The following CDH12 variants were observed in gnomAD, a reference collection of about 807,000 sequenced individuals.
CDH12 encodes the protein cadherin 12.
A neutral mutation model predicts 74.1 loss-of-function variants in CDH12; 41 were observed. The ratio of observed to expected loss-of-function variants is 0.55; its 90% CI spans 0.43 to 0.72. The LOEUF is 0.72. Among genes scored for constraint, CDH12 ranks in the 30% least tolerant of loss-of-function variants. The pLI is 0.00. For synonymous variants in CDH12, 399 were observed against 355.0 expected (o/e 1.12, Z -1.39); for missense variants, 945 against 977.2 (o/e 0.97, Z 0.44).
chr5:22,347,833 T>C (rs1268677207), intron 3 of CDH12, among the ~76,000 whole-genome samples: 2 of 152,186 alleles, frequency 1.3e-5, no homozygotes, highest in African/African-American at 4.8e-5. Flanking sequence ...TCCAGTGTGA[T>C]GTAGTCTGCA....
intron 1 of CDH12, among the ~76,000 whole-genome samples, chr5:22,761,892 C>T (rs576456621): frequency 3.0e-4 from 46 of 151,888 alleles, no homozygotes; most frequent in Middle Eastern, 3.4e-3. Context: ...CTGATATGTA[C>T]TTTAATCTTC....
At chr5:21,757,370 T>A (rs1383631049) in intron 13 of CDH12, among the ~76,000 whole-genome samples, 1 of 152,080 alleles carries the variant, frequency 6.6e-6, no homozygotes, top group African/African-American at 2.4e-5. Context: ...GAGATGGGGT[T>A]TCACCATGTT....
chr5:22,065,128 C>T (rs1741467373), intron 5 of CDH12, among the ~76,000 whole-genome samples: 1 of 152,136 alleles, frequency 6.6e-6, no homozygotes, highest in African/African-American at 2.4e-5. Flanking sequence ...TGTTACCTTG[C>T]AAGACTGCTG....
rs564526055 is a variant in CDH12 at position 22,656,660 on chromosome 5, G to T, written c.-522-151296C>A. ...AAGTTAATCATATGTCTACCTTGTG[G>T]ACTTAGTAATTTCACTCTTAGTACA... On this transcript the variant is annotated intron_variant, in intron 1 of 14. Transcript: ENST00000382254. Among the ~76,000 whole-genome samples, 3 of 152,198 alleles carry T rather than the reference G, an allele frequency of 2.0e-5. No individual in the cohort carries two copies. In the East Asian group the frequency reaches 5.8e-4, roughly 29 times the overall value.
At chr5:22,792,367 G>A (rs1324108182) in intron 1 of CDH12, among the ~76,000 whole-genome samples, 1 of 152,126 alleles carries the variant, frequency 6.6e-6, no homozygotes, top group Non-Finnish European at 1.5e-5. Flanking sequence ...GGGACTGCAG[G>A]CGTGAGCCAC....
At chr5:22,259,173 C>T (rs1217726062) in intron 3 of CDH12, among the ~76,000 whole-genome samples, 1 of 151,880 alleles carries the variant, frequency 6.6e-6, no homozygotes, top group Admixed American at 6.6e-5. Context: ...ACAATGAAAA[C>T]AAAAGCAAAT....
At chr5:22,496,766 T>C (rs1315834302) in intron 2 of CDH12, among the ~76,000 whole-genome samples, 3 of 152,114 alleles carry the variant, frequency 2.0e-5, no homozygotes, top group Non-Finnish European at 4.4e-5. Context: ...TTCATTTAAT[T>C]TCAGAACACC....
chr5:22,653,916 A>T (rs998949806), intron 1 of CDH12, among the ~76,000 whole-genome samples: 2 of 152,190 alleles, frequency 1.3e-5, no homozygotes, highest in Admixed American at 1.3e-4. Context: ...TCATCTACTA[A>T]ATACATACAT....
At chr5:22,422,434 G>A (rs1743691020) in intron 2 of CDH12, among the ~76,000 whole-genome samples, 1 of 151,902 alleles carries the variant, frequency 6.6e-6, no homozygotes, top group African/African-American at 2.4e-5. Context: ...ACTTGATCAT[G>A]GTGGATAATC....
chr5:21,966,950 G>C (rs2547609), intron 6 of CDH12, among the ~76,000 whole-genome samples: 3 of 152,082 alleles, frequency 2.0e-5, no homozygotes, highest in African/African-American at 7.2e-5. Flanking sequence ...TGGGTTAAAG[G>C]CCTCATTAAC....
At chr5:21,839,210 T>C (rs1312164055) in intron 8 of CDH12, among the ~76,000 whole-genome samples, 1 of 152,174 alleles carries the variant, frequency 6.6e-6, no homozygotes, top group Non-Finnish European at 1.5e-5. Flanking sequence ...GAGAAACAAA[T>C]GCATTATTTC....
intron 4 of CDH12, among the ~76,000 whole-genome samples, chr5:22,153,758 C>A (rs1747775986): frequency 1.3e-5 from 2 of 148,164 alleles, no homozygotes; most frequent in Admixed American, 1.4e-4. Flanking sequence ...ATGTTCATTG[C>A]AACATTATTC....
intron 4 of CDH12, among the ~76,000 whole-genome samples, chr5:22,109,648 T>C (rs1744697607): frequency 1.3e-5 from 2 of 152,140 alleles, no homozygotes; most frequent in African/African-American, 4.8e-5. Flanking sequence ...AGGAAAACAA[T>C]TGGAAACACT....
At chr5:22,231,360 C>T (rs995482861) in intron 3 of CDH12, among the ~76,000 whole-genome samples, 1 of 151,886 alleles carries the variant, frequency 6.6e-6, no homozygotes, top group Non-Finnish European at 1.5e-5. Flanking sequence ...TGAAGAATAA[C>T]TATGGTTTTC....
chr5:21,881,378 A>G (rs1486648750), intron 6 of CDH12, among the ~76,000 whole-genome samples: 1 of 152,176 alleles, frequency 6.6e-6, no homozygotes, highest in South Asian at 2.1e-4. Flanking sequence ...ATTTCTATAA[A>G]TGCAAAACTA....
intron 4 of CDH12, among the ~76,000 whole-genome samples, chr5:22,085,322 G>C (rs1742995445): frequency 6.6e-6 from 1 of 152,122 alleles, no homozygotes. Context: ...TAAATGGGGA[G>C]TGTTTGCTTT....
Position 22,698,711 on chromosome 5 carries a change from A to AG in CDH12, c.-523+154346_-523+154347insC, listed in dbSNP as rs1377802786. On this transcript the variant is annotated intron_variant, in intron 1 of 14. Coordinates refer to ENST00000382254, the MANE Select transcript of CDH12 (RefSeq NM_004061.5). ...TATATATATATATATATATATATATATATATATATATATATATATATATAG... is the reference window on the plus strand; with the variant it reads ...TATATATATATATATATATATATATAGTATATATATATATATATATATATAG... 6.5e-3 allele frequency among the ~76,000 whole-genome samples: 137 copies of AG among 21,148 alleles called. 2 individuals are homozygous for AG. Among genetic ancestry groups the AG allele is most frequent in the African/African-American group, 0.023 (105 of 4,586 alleles). 13.9% of individuals were successfully genotyped at this position (21,148 alleles called of 152,430 possible).
intron 1 of CDH12, among the ~76,000 whole-genome samples, chr5:22,674,868 G>A (rs1370869149): frequency 1.3e-5 from 2 of 152,118 alleles, no homozygotes; most frequent in Non-Finnish European, 2.9e-5. Flanking sequence ...AGGGTATCTG[G>A]CAGAAGAAAT....
intron 1 of CDH12, among the ~76,000 whole-genome samples, chr5:22,559,649 T>C (rs1349214125): frequency 6.6e-6 from 1 of 152,152 alleles, no homozygotes; most frequent in Non-Finnish European, 1.5e-5. Flanking sequence ...TCAATTTTCA[T>C]GTTTTTCTCT....
Sources: gnomAD v4.1 joint callset for allele counts (sites outside exome capture counted in the v4.1 genomes callset) on GRCh38, gnomAD v4.1.1 for gene constraint, MANE v1.5 for transcripts, NCBI Gene and HGNC (gene_info 2026-07-23, HGNC 2026-07-21) for gene names.